The following RUSC2 variants were observed in gnomAD, a reference collection of about 807,000 sequenced individuals.
The protein encoded by RUSC2 is AP-4 complex accessory subunit RUSC2.
Under a neutral mutation model 122.2 loss-of-function variants are expected in RUSC2, and 34 were observed. The observed-to-expected ratio is 0.28, with a 90% CI of 0.21 to 0.37. The LOEUF (loss-of-function observed/expected upper bound fraction) is 0.37, where lower values mean the gene tolerates loss of function less well. Among genes scored for constraint, RUSC2 ranks in the 10% least tolerant of loss-of-function variants. The probability of loss-of-function intolerance (pLI) is 1.00; values close to 1 mark genes in which losing one functional copy is unlikely to be tolerated. For synonymous variants in RUSC2, 784 were observed against 790.0 expected (o/e 0.99, Z 0.13); for missense variants, 1,747 against 1,952.4 (o/e 0.89, Z 1.98).
At chr9:35,536,186 CAAAGT>C (rs58365296) in intron 1 of RUSC2, among the ~76,000 whole-genome samples, 108,763 of 151,632 alleles carry the variant, frequency 0.72, 41,812 homozygotes, top group Non-Finnish European at 0.87. Context: ...TGATGATCAT[CAAAGT>C]AAAGTTTTTT....
chr9:35,495,063 AG>A (rs1820662833), intron 1 of RUSC2, among the ~76,000 whole-genome samples: 1 of 62,900 alleles, frequency 1.6e-5, no homozygotes, highest in African/African-American at 7.7e-5. Flanking sequence ...TATATACTAT[AG>A]TATATATTAT....
At position 35,558,311 on chromosome 9, in the gene RUSC2, G is replaced by T; in HGVS notation, c.3175G>T (p.Val1059Phe). Reference protein sequence around the residue: ...EDGLKAFVLDVIIGQRKNMPW... With the variant: ...EDGLKAFVLDFIIGQRKNMPW... ...TGGGCTCAAGGCCTTTGTACTGGAC[G>T]TCATCATCGGGCAGCGTAAGAACAT... The change falls in exon 7 of 12, where the codon GTC becomes TTC. Residue 1059 changes from valine (V) to phenylalanine (F), a missense_variant. Val to Phe is a conservative substitution (Grantham distance 50, BLOSUM62 -1). Transcript: ENST00000361226. The surrounding 1 kb of genome is among the most constrained non-coding windows in gnomAD (Gnocchi z 4.3). 3 of 1,614,186 alleles carry T rather than the reference G, an allele frequency of 1.9e-6. No homozygotes were observed. The highest frequency in any genetic ancestry group is 2.5e-6 in the Non-Finnish European group (3 of 1,180,038).
intron 1 of RUSC2, among the ~76,000 whole-genome samples, chr9:35,533,721 T>C (rs1478230426): frequency 6.6e-6 from 1 of 152,214 alleles, no homozygotes; most frequent in African/African-American, 2.4e-5. Flanking sequence ...AATGAAACAA[T>C]ATGTGACCTT....
At chr9:35,498,673 A>G (rs932489859) in intron 1 of RUSC2, among the ~76,000 whole-genome samples, 2 of 151,770 alleles carry the variant, frequency 1.3e-5, no homozygotes. Context: ...CCTGGCCAAC[A>G]TGGTGAAACC....
chr9:35,531,016 T>G lies in RUSC2; in HGVS notation c.-92-15414T>G, dbSNP rs1478017825. Among the ~76,000 whole-genome samples the G allele has an allele frequency of 5.3e-5, 8 of 151,960 alleles. No homozygotes were observed. The East Asian group carries it at 1.6e-3, about 30-fold the overall frequency. Reference sequence around the variant, plus strand: ...AGCTCATGCCTGTAATCCCAGCACTTTTGGAGGCCGAGGCGGGTGGATCAC... The same window carrying G: ...AGCTCATGCCTGTAATCCCAGCACTGTTGGAGGCCGAGGCGGGTGGATCAC... On this transcript the variant is annotated intron_variant, in intron 1 of 11. Transcript: ENST00000361226.
rs1822116609 is a variant in RUSC2 at position 35,560,217 on chromosome 9, CG to C, written c.3580del (p.Val1194CysfsTer36). ...GCAGCGGCAGCACAAGGAACTGCTG[CG>C]GGTGTCCCAGGACCTGCTGCTGTCT... Reference protein sequence around the residue: ...QQQRQHKELLRVSQDLLLSAH... With the variant: ...QQQRQHKELLXVSQDLLLSAH... On this transcript the variant is annotated frameshift_variant, in exon 10 of 12. Coordinates refer to ENST00000361226, the MANE Select transcript of RUSC2 (RefSeq NM_014806.5). LOFTEE classifies it high-confidence loss of function. 1 of 1,604,314 alleles carries C rather than the reference CG, an allele frequency of 6.2e-7. No individual in the cohort carries two copies. Among genetic ancestry groups the C allele is most frequent in the Non-Finnish European group, 8.5e-7 (1 of 1,179,100 alleles).
In RUSC2 at chr9:35,524,980, A is replaced by T. The variant is rs372382528; in HGVS notation, c.-92-21450A>T. Among the ~76,000 whole-genome samples, 24 of 152,194 alleles carry T rather than the reference A, an allele frequency of 1.6e-4. No homozygotes were observed. In the South Asian group the frequency reaches 4.8e-3, roughly 30 times the overall value. On this transcript the variant is annotated intron_variant, in intron 1 of 11. Coordinates refer to ENST00000361226, the MANE Select transcript of RUSC2 (RefSeq NM_014806.5). Reference sequence around the variant, plus strand: ...AGCGAGACTCCATCTCAAAAAAAAAAAAAAACTCTGGTAATCCCTTGGCTA... The same window carrying T: ...AGCGAGACTCCATCTCAAAAAAAAATAAAAACTCTGGTAATCCCTTGGCTA...
At chr9:35,544,265 C>T (rs1821699354) in intron 1 of RUSC2, among the ~76,000 whole-genome samples, 1 of 150,268 alleles carries the variant, frequency 6.7e-6, no homozygotes, top group African/African-American at 2.4e-5. Context: ...CAGAGAAATG[C>T]CTATTCATAC....
In RUSC2 at chr9:35,557,779, G is replaced by T. The variant is rs958378320; in HGVS notation, c.2984-135G>T. On this transcript the variant is annotated intron_variant, in intron 5 of 11. Transcript: ENST00000361226. This position sits in a 1 kb window ranked among gnomAD's most constrained non-coding sequence, Gnocchi z 4.6. ...GAAAAGGGCCAGGCCTGAATGTTTT[G>T]ATAAGACCCATGTGCAGATGTGGAG... 14 of 729,258 alleles carry T rather than the reference G, an allele frequency of 1.9e-5. 1 individual carries two copies. The highest frequency in any genetic ancestry group is 1.6e-4 in the Admixed American group (8 of 49,342). 45.2% of individuals were successfully genotyped at this position (729,258 alleles called of 1,614,324 possible).
At chr9:35,552,013 T>C (rs1821909856) in intron 2 of RUSC2, among the ~76,000 whole-genome samples, 1 of 150,876 alleles carries the variant, frequency 6.6e-6, no homozygotes, top group South Asian at 2.1e-4. Flanking sequence ...CAGTGAGCTA[T>C]GATTGCACCA....
Position 35,548,144 on chromosome 9 carries a change from C to G in RUSC2, c.1623C>G (p.Val541=). 6.2e-7 allele frequency: 1 copy of G among 1,613,286 alleles called. No individual in the cohort carries two copies. Among genetic ancestry groups the G allele is most frequent in the Non-Finnish European group, 8.5e-7 (1 of 1,180,014 alleles). Residue 541 remains valine, a synonymous_variant, in exon 2 of 12, where the codon GTC becomes GTG. Transcript: ENST00000361226. This position sits in a 1 kb window ranked among gnomAD's most constrained non-coding sequence, Gnocchi z 4.5. ...GGCCTGGCTCCCCACCCAGGAGGGT[C>G]ACCTCCTTTGCCGAGCTGGCCAAGG... ...MAGPGSPPRR[V]TSFAELAKGR... is the part of the protein sequence containing the mutation.
At chr9:35,500,016 T>G (rs1369778867) in intron 1 of RUSC2, among the ~76,000 whole-genome samples, 1 of 152,214 alleles carries the variant, frequency 6.6e-6, no homozygotes, top group Non-Finnish European at 1.5e-5. Flanking sequence ...TGTATTCTAT[T>G]TATTTAAAGT....
chr9:35,554,733 G>A (rs575958422), intron 2 of RUSC2, among the ~76,000 whole-genome samples: 10 of 126,906 alleles, frequency 7.9e-5, no homozygotes, highest in South Asian at 2.6e-4. Context: ...GAGTCATCCC[G>A]TAGAAGTCTG....
At chr9:35,550,951 TC>T (rs1821880391) in intron 2 of RUSC2, among the ~76,000 whole-genome samples, 1 of 149,862 alleles carries the variant, frequency 6.7e-6, no homozygotes, top group African/African-American at 2.5e-5. Context: ...TGCCTGTAGT[TC>T]CAGCTACATG....
At chr9:35,492,471 A>G (rs1032728400) in intron 1 of RUSC2, among the ~76,000 whole-genome samples, 1 of 151,968 alleles carries the variant, frequency 6.6e-6, no homozygotes. Context: ...TACCCAGGAA[A>G]AAAAAAAAAC....
rs1822077088 is a variant in RUSC2, at chr9:35,558,662, CAG to C, written c.3341+97_3341+98del. 1.9e-6 allele frequency: 2 copies of C among 1,052,968 alleles called. No homozygotes were observed. The highest frequency in any genetic ancestry group is 2.6e-5 in the South Asian group (2 of 77,290). 65.2% of individuals were successfully genotyped at this position (1,052,968 alleles called of 1,614,324 possible). On this transcript the variant is annotated intron_variant, in intron 8 of 11. Coordinates refer to ENST00000361226, the MANE Select transcript of RUSC2 (RefSeq NM_014806.5). This position sits in a 1 kb window ranked among gnomAD's most constrained non-coding sequence, Gnocchi z 4.3. The stretch of plus-strand genomic sequence containing the variant: ...CCAAGGAAACAACGCCCTGGACAGA[CAG>C]AAAGGGTGGATCTGGAGGGTCCCCT...
In RUSC2 at chr9:35,555,145, G is replaced by T. The variant is rs1261624081; in HGVS notation, c.2100G>T (p.Gln700His). ...TGCCCATCCAGCCCTTCGTGTTCCAGCACCACTTCCCCAAGCAGCTGGCCA... is the reference window on the plus strand; with the variant it reads ...TGCCCATCCAGCCCTTCGTGTTCCATCACCACTTCCCCAAGCAGCTGGCCA... ...TTLPIQPFVF[Q>H]HHFPKQLAKA... The change falls in exon 3 of 12, where the codon CAG (glutamine) becomes CAT (histidine). Residue 700 changes from glutamine (Q) to histidine (H), a missense_variant. By Grantham distance (24) the Gln-to-His change is conservative. Transcript: ENST00000361226. This position sits in a 1 kb window ranked among gnomAD's most constrained non-coding sequence, Gnocchi z 4.6. 1.2e-6 allele frequency: 2 copies of T among 1,613,652 alleles called. No individual in the cohort carries two copies. Among genetic ancestry groups the T allele is most frequent in the African/African-American group, 2.7e-5 (2 of 74,878 alleles).
chr9:35,555,391 CATCCGGAGTGTTGGCCCCTTT>C lies in RUSC2; in HGVS notation c.2347_2367del (p.Ile783_Phe789del). On this transcript the variant is annotated inframe_deletion, in exon 3 of 12. Coordinates refer to ENST00000361226, the MANE Select transcript of RUSC2 (RefSeq NM_014806.5). This position sits in a 1 kb window ranked among gnomAD's most constrained non-coding sequence, Gnocchi z 4.6. ...CATCGCCCCTGGGCAGCTACTCCCCCATCCGGAGTGTTGGCCCCTTTGGGCCCAGCACTGACTCTTCTGCCT... is the reference window on the plus strand; with the variant it reads ...CATCGCCCCTGGGCAGCTACTCCCCCGGGCCCAGCACTGACTCTTCTGCCT... The C allele has an allele frequency of 6.2e-7, 1 of 1,614,248 alleles. No homozygotes were observed. The highest frequency in any genetic ancestry group is 8.5e-7 in the Non-Finnish European group (1 of 1,180,038).
intron 1 of RUSC2, among the ~76,000 whole-genome samples, chr9:35,516,637 T>A (rs1282101361): frequency 6.6e-6 from 1 of 152,208 alleles, no homozygotes; most frequent in Non-Finnish European, 1.5e-5. Context: ...GGATTCTTCC[T>A]TCACATTCCT....
Sources: gnomAD v4.1 joint callset for allele counts (sites outside exome capture counted in the v4.1 genomes callset) on GRCh38, gnomAD v4.1.1 for gene constraint, Gnocchi (gnomAD v3.1) non-coding constraint, MANE v1.5 for transcripts, NCBI Gene and HGNC (gene_info 2026-07-23, HGNC 2026-07-21) for gene names.